Variants in PHF8 observed in about 807,000 individuals in gnomAD.
PHF8 encodes the protein PHD finger protein 8.
A neutral mutation model predicts 74.4 loss-of-function variants in PHF8; 9 were observed. That is an observed-to-expected ratio of 0.12 (90% CI 0.07 to 0.21). The LOEUF (loss-of-function observed/expected upper bound fraction) is 0.21, where lower values mean the gene tolerates loss of function less well. PHF8 is among the 10% of genes least tolerant of loss of function. PHF8 has a pLI of 1.00. For missense variants in PHF8, 478 were observed against 816.6 expected (o/e 0.59, Z 5.05); for synonymous variants, 311 against 316.6 (o/e 0.98, Z 0.19).
chrX:53,992,830 T>G lies in PHF8; in HGVS notation c.1636A>C (p.Thr546Pro). The G allele has an allele frequency of 8.4e-7, 1 of 1,187,033 alleles. No homozygotes were observed. The highest frequency in any genetic ancestry group is 1.1e-6 in the Non-Finnish European group (1 of 874,168). Residue 546 changes from threonine to proline, a missense_variant, in exon 14 of 22, where the codon ACT becomes CCT. By Grantham distance (38) the Thr-to-Pro change is conservative (BLOSUM62 -1). Coordinates refer to ENST00000338154, the MANE Select transcript of PHF8 (RefSeq NM_015107.3). ...GSFQKAKFNI[T>P]GACLNDSDDD... ...TCTGAGTCATTCAAGCAGGCACCAG[T>G]GATGTTGAACTGTAGAAGTAGGAGA...
At position 54,022,854 on chromosome X, in the gene PHF8, G is replaced by T; in HGVS notation, c.99-11C>A. ...TCAACACCAACACAACTGAAAAAGA[G>T]AAAAACAGCCAAGGTTTATGGAAAT... On this transcript the variant is annotated splice_polypyrimidine_tract_variant and intron_variant, in intron 2 of 21. Transcript: ENST00000338154. 8.8e-7 allele frequency: 1 copy of T among 1,131,874 alleles called. No homozygotes were observed. Among genetic ancestry groups the T allele is most frequent in the Non-Finnish European group, 1.2e-6 (1 of 823,840 alleles). The allele number at this position is 1,131,874 out of a possible 1,213,427, so 93.3% of individuals were successfully genotyped here.
intron 2 of PHF8, among the ~76,000 whole-genome samples, chrX:54,030,845 T>C (rs2066343939): frequency 8.9e-6 from 1 of 112,107 alleles, no homozygotes; most frequent in Admixed American, 9.5e-5. Context: ...ACTTAAGCAA[T>C]TTATACTTCA....
At chrX:54,046,224 C>G (rs2066632909), upstream of PHF8, among the ~76,000 whole-genome samples, 1 of 111,134 alleles carries the variant, frequency 9.0e-6, no homozygotes, top group Non-Finnish European at 1.9e-5. Context: ...AGCCACTGCA[C>G]TGAAAGGTCC....
intron 4 of PHF8, among the ~76,000 whole-genome samples, chrX:54,021,939 A>G (rs1557110052): frequency 8.9e-6 from 1 of 111,805 alleles, no homozygotes; most frequent in African/African-American, 3.3e-5. Context: ...CGATCATAAA[A>G]GAGATATATG....
chrX:54,043,158 C>T lies in PHF8; in HGVS notation c.-92-338G>A, dbSNP rs782444994. ...CTTTCATCTCTCACTGAACCCTCCC[C>T]TAGCTGACCCCTGTTTCACAGGGCT... On this transcript the variant is annotated intron_variant, in intron 1 of 21. Coordinates refer to ENST00000338154, the MANE Select transcript of PHF8 (RefSeq NM_015107.3). The T allele has an allele frequency of 7.5e-6, 6 of 795,931 alleles. No individual in the cohort carries two copies. In the East Asian group the frequency reaches 4.5e-4, roughly 59 times the overall value. 65.6% of individuals were successfully genotyped at this position (795,931 alleles called of 1,213,427 possible). A position where few individuals can be genotyped will look rare whatever the true frequency, so the allele number is the denominator to read the frequency against.
intron 19 of PHF8, among the ~76,000 whole-genome samples, chrX:53,959,329 T>A (rs1283177686): frequency 8.9e-6 from 1 of 111,848 alleles, no homozygotes; most frequent in East Asian, 2.8e-4. Flanking sequence ...AGTCTCTGAA[T>A]GTACCACATA....
At chrX:54,031,354 G>C (rs1306140835) in intron 2 of PHF8, among the ~76,000 whole-genome samples, 2 of 109,969 alleles carry the variant, frequency 1.8e-5, no homozygotes, top group Non-Finnish European at 3.8e-5. Flanking sequence ...TCCAGACAGA[G>C]CACCATCTAT....
chrX:53,971,224 T>C (rs2065286060), intron 18 of PHF8, among the ~76,000 whole-genome samples: 1 of 111,565 alleles, frequency 9.0e-6, no homozygotes, highest in Non-Finnish European at 1.9e-5. Context: ...AACAACCTGC[T>C]CCTGAATGAC....
chrX:53,998,228 T>A lies in PHF8; in HGVS notation c.1233+1642A>T, dbSNP rs2065776806. Among the ~76,000 whole-genome samples the A allele has an allele frequency of 2.7e-5, 3 of 110,597 alleles. No individual in the cohort carries two copies. The Middle Eastern group carries it at 0.014, about 522-fold the overall frequency. On this transcript the variant is annotated intron_variant, in intron 11 of 21. Coordinates refer to ENST00000338154, the MANE Select transcript of PHF8 (RefSeq NM_015107.3). Reference sequence around the variant, plus strand: ...CAGCACTTTGGGAGGCTGAGGTGGATGGATCACTTGAGGTCAGGAGTTCGA... The same window carrying A: ...CAGCACTTTGGGAGGCTGAGGTGGAAGGATCACTTGAGGTCAGGAGTTCGA...
intron 18 of PHF8, among the ~76,000 whole-genome samples, chrX:53,973,586 G>A (rs1244010099): frequency 3.6e-5 from 4 of 111,539 alleles, no homozygotes; most frequent in Non-Finnish European, 7.5e-5. Flanking sequence ...GAACCAGGTA[G>A]CCATATGCAG....
In PHF8 at chrX:53,939,307, A is replaced by G. The variant is rs781829244; in HGVS notation, c.2987-61T>C. The G allele has an allele frequency of 1.7e-5, 16 of 954,536 alleles. 2 individuals carry two copies. The South Asian group carries it at 2.9e-4, about 17-fold the overall frequency. The allele number at this position is 954,536 out of a possible 1,213,427, so 78.7% of individuals were successfully genotyped here. A position where few individuals can be genotyped will look rare whatever the true frequency, so the allele number is the denominator to read the frequency against. On this transcript the variant is annotated intron_variant, in intron 21 of 21. Transcript: ENST00000338154. ...CAAGGGCTTCAACATCAAATCTGGC[A>G]CCAACTGCCCTCAGGCCACCTCCCC...
intron 18 of PHF8, among the ~76,000 whole-genome samples, chrX:53,982,996 C>G (rs1283150466): frequency 9.0e-6 from 1 of 111,121 alleles, no homozygotes; most frequent in Non-Finnish European, 1.9e-5. Context: ...GAGTTTGAGA[C>G]CAGCCTGGGC....
At chrX:53,956,845 G>A (rs1263512024) in intron 19 of PHF8, among the ~76,000 whole-genome samples, 1 of 110,924 alleles carries the variant, frequency 9.0e-6, no homozygotes, top group Non-Finnish European at 1.9e-5. Context: ...AAACATAGAG[G>A]CTATGCTTAA....
At chrX:54,015,263 G>T (rs1183179560) in intron 6 of PHF8, among the ~76,000 whole-genome samples, 4 of 111,050 alleles carry the variant, frequency 3.6e-5, no homozygotes, top group African/African-American at 9.8e-5. Flanking sequence ...AACACTCTCA[G>T]GTTGTTTAAC....
In PHF8 at chrX:53,961,270, G is replaced by A. The variant is rs990621397; in HGVS notation, c.2539+1574C>T. ...ACTCCTGACCTCAAGTGATCCACCC[G>A]CCTCAGCCTCCCAAAATGTTGGGAT... On this transcript the variant is annotated intron_variant, in intron 19 of 21. Transcript: ENST00000338154. 8.2e-5 allele frequency among the ~76,000 whole-genome samples: 9 copies of A among 109,373 alleles called. No homozygotes were observed. In the East Asian group the frequency reaches 1.7e-3, roughly 21 times the overall value. 95.0% of individuals were successfully genotyped at this position (109,373 alleles called of 115,157 possible). A position where few individuals can be genotyped will look rare whatever the true frequency, so the allele number is the denominator to read the frequency against.
In PHF8 at chrX:53,938,547, A is replaced by G; in HGVS notation, c.*611T>C. ...AAAGGTAAGTGAAGTTGGCATTTCT[A>G]GGCCACTTCTGGAAATGGCCCACAG... On this transcript the variant is annotated 3_prime_UTR_variant, in exon 22 of 22. Coordinates refer to ENST00000338154, the MANE Select transcript of PHF8 (RefSeq NM_015107.3). 8 of 756,935 alleles carry G rather than the reference A, an allele frequency of 1.1e-5. No individual in the cohort carries two copies. The highest frequency in any genetic ancestry group is 1.2e-5 in the Non-Finnish European group (8 of 640,548). The allele number at this position is 756,935 out of a possible 1,213,427, so 62.4% of individuals were successfully genotyped here. A position where few individuals can be genotyped will look rare whatever the true frequency, so the allele number is the denominator to read the frequency against.
chrX:54,016,571 T>G (rs1441285536), intron 6 of PHF8, 24 bp downstream of exon 6: 1 of 1,190,726 alleles, frequency 8.4e-7, no homozygotes, highest in East Asian at 3.0e-5. Flanking sequence ...TGTCAGGTTT[T>G]TTTGTTATTC....
At chrX:53,943,324 G>C in intron 20 of PHF8, 1 of 884,465 alleles carries the variant, frequency 1.1e-6, no homozygotes. Context: ...TGAAGTTAGA[G>C]GATATGAGTT....
At chrX:53,975,684 G>A (rs1557095832) in intron 18 of PHF8, among the ~76,000 whole-genome samples, 2 of 111,938 alleles carry the variant, frequency 1.8e-5, no homozygotes, top group African/African-American at 3.2e-5. Context: ...GGATCTCACA[G>A]AGGTGGAGAG....
Sources: gnomAD v4.1 joint callset for allele counts (sites outside exome capture counted in the v4.1 genomes callset) on GRCh38, gnomAD v4.1.1 for gene constraint, MANE v1.5 for transcripts, NCBI Gene and HGNC (gene_info 2026-07-23, HGNC 2026-07-21) for gene names.